Variants in FCGR3B observed in about 807,000 individuals in gnomAD.
The protein encoded by FCGR3B is low affinity immunoglobulin gamma Fc region receptor III-B.
In FCGR3B, 20 loss-of-function variants were observed where a neutral mutation model predicts 26.7. That is an observed-to-expected ratio of 0.75 (90% confidence interval 0.53 to 1.09). The LOEUF is 1.09. Ranked by LOEUF, FCGR3B falls within the 50% of genes least tolerant of loss-of-function variation. The pLI is 0.00. For missense variants in FCGR3B, 191 were observed against 279.7 expected (o/e 0.68, Z 2.26); for synonymous variants, 79 against 107.0 (o/e 0.74, Z 1.62).
chr1:161,626,379 G>A lies in FCGR3B; in HGVS notation c.343C>T (p.Arg115Trp), dbSNP rs776782096. ...GGGTCTTCCTCCTTGAACACCCACC[G>A]AGGGGCCTGGAGCAACAGCCAGCCT... ...HIGWLLLQAP[R>W]WVFKEEDPIH... is the part of the protein sequence containing the mutation. Residue 115 changes from arginine to tryptophan, a missense_variant, in exon 4 of 5, where the codon CGG (arginine) becomes TGG (tryptophan). Transcript: ENST00000650385. 2.1e-5 allele frequency: 33 copies of A among 1,608,976 alleles called. 1 individual carries two copies. The highest frequency in any genetic ancestry group is 2.0e-4 in the East Asian group (9 of 44,762).
chr1:161,630,831 G>A (rs1457292508), intron 1 of FCGR3B: 9 of 1,028,864 alleles, frequency 8.7e-6, no homozygotes, highest in Middle Eastern at 3.4e-4. Flanking sequence ...GGGACCCAGA[G>A]GGGTGAAGTG....
chr1:161,627,614 C>T (rs1341812105), intron 3 of FCGR3B, among the ~76,000 whole-genome samples: 1 of 150,310 alleles, frequency 6.7e-6, no homozygotes, highest in Non-Finnish European at 1.5e-5. Context: ...GCCTATCTAT[C>T]CACTTACTTT....
At chr1:161,624,670 A>G (rs766509789) in intron 4 of FCGR3B, 31 bp from the exon 5 acceptor site, 1 of 1,580,184 alleles carries the variant, frequency 6.3e-7, no homozygotes, top group Admixed American at 1.7e-5. Context: ...ATGAAAAAAA[A>G]TGACAGTCAC....
intron 1 of FCGR3B, 26 bp from the exon 2 acceptor site, chr1:161,630,414 T>C (rs1257728960): frequency 1.2e-6 from 2 of 1,601,532 alleles, no homozygotes; most frequent in Non-Finnish European, 8.5e-7. Flanking sequence ...GTAAATCAAA[T>C]ATTGAGTAGG....
chr1:161,630,021 C>T lies in FCGR3B; in HGVS notation c.76G>A (p.Ala26Thr), dbSNP rs532028851. 5.7e-6 allele frequency: 8 copies of T among 1,413,296 alleles called. 1 individual carries two copies. The African/African-American group carries it at 7.1e-5, about 13-fold the overall frequency. 87.5% of individuals were successfully genotyped at this position (1,413,296 alleles called of 1,614,324 possible). ...CATTGAGGCTCCAGGAACACCACAG[C>T]CTTTGGGAGATCTTCTGAGGAGCCA... is the stretch of plus-strand genomic sequence containing the variant. ...AGMRTEDLPK[A>T]VVFLEPQWYS... is the part of the protein sequence containing the mutation. Residue 26 changes from alanine (A) to threonine (T), a missense_variant, in exon 3 of 5, where the codon GCT (alanine) becomes ACT (threonine). Coordinates refer to ENST00000650385, the MANE Select transcript of FCGR3B (RefSeq NM_001244753.2).
chr1:161,626,404 T>G lies in FCGR3B; in HGVS notation c.320-2A>C. ...GAGGGGCCTGGAGCAACAGCCAGCC[T>G]GAAAGACACAGAGACACCCCAGGCC... On this transcript the variant is annotated splice_acceptor_variant, in intron 3 of 4. Coordinates refer to ENST00000650385, the MANE Select transcript of FCGR3B (RefSeq NM_001244753.2). LOFTEE classifies it high-confidence loss of function. The G allele has an allele frequency of 6.2e-7, 1 of 1,608,986 alleles. No individual in the cohort carries two copies. The highest frequency in any genetic ancestry group is 8.5e-7 in the Non-Finnish European group (1 of 1,178,080).
At chr1:161,628,715 C>G (rs1464566401) in intron 3 of FCGR3B, among the ~76,000 whole-genome samples, 1 of 144,164 alleles carries the variant, frequency 6.9e-6, no homozygotes, top group East Asian at 2.1e-4. Flanking sequence ...CTTCTTCCCC[C>G]AAAGCTTGTT....
chr1:161,628,328 G>A (rs1679578704), intron 3 of FCGR3B, among the ~76,000 whole-genome samples: 1 of 149,744 alleles, frequency 6.7e-6, no homozygotes, highest in Non-Finnish European at 1.5e-5. Flanking sequence ...GCTTCTCAGA[G>A]GAGGACATAA....
At chr1:161,626,977 G>A (rs1001907883) in intron 3 of FCGR3B, among the ~76,000 whole-genome samples, 3 of 149,834 alleles carry the variant, frequency 2.0e-5, no homozygotes, top group African/African-American at 7.5e-5. Flanking sequence ...AGTGCTCAGA[G>A]TGGCAATTCG....
At chr1:161,630,276 T>A in intron 2 of FCGR3B, 92 bp downstream of exon 2, 1 of 1,335,736 alleles carries the variant, frequency 7.5e-7, no homozygotes, top group Non-Finnish European at 1.1e-6. Flanking sequence ...ACATCAGCAT[T>A]TTCCCATTCA....
intron 4 of FCGR3B, among the ~76,000 whole-genome samples, chr1:161,625,923 A>T (rs1679431116): frequency 6.8e-6 from 1 of 147,526 alleles, no homozygotes; most frequent in Non-Finnish European, 1.5e-5. Context: ...TGCAGAGTGA[A>T]TGACACCTCC....
rs980675129 is a variant in FCGR3B at position 161,626,473 on chromosome 1, C to T, written c.320-71G>A. The T allele has an allele frequency of 8.6e-6, 12 of 1,399,398 alleles. 1 individual carries two copies. The African/African-American group carries it at 9.0e-5, about 11-fold the overall frequency. The allele number at this position is 1,399,398 out of a possible 1,614,324, so 86.7% of individuals were successfully genotyped here. On this transcript the variant is annotated intron_variant, in intron 3 of 4. Coordinates refer to ENST00000650385, the MANE Select transcript of FCGR3B (RefSeq NM_001244753.2). ...AGTGCAGAGCTTTGTGAAGGGGCCA[C>T]GTACCACCCAGATCCTGAGGCATAA...
rs529143896 is a variant in FCGR3B, at chr1:161,627,392, C to T, written c.320-990G>A. On this transcript the variant is annotated intron_variant, in intron 3 of 4. Coordinates refer to ENST00000650385, the MANE Select transcript of FCGR3B (RefSeq NM_001244753.2). ...ATATATTTTTGAAATTGACCCGAAA[C>T]GTAATAAGAGCAAAACTAAATTTAC... Among the ~76,000 whole-genome samples the T allele has an allele frequency of 1.8e-3, 267 of 150,056 alleles. 15 individuals are homozygous for T. The highest frequency in any genetic ancestry group is 6.2e-3 in the African/African-American group (249 of 40,406).
chr1:161,630,262 C>T, intron 2 of FCGR3B, 106 bp downstream of exon 2: 3 of 1,149,986 alleles, frequency 2.6e-6, no homozygotes. Flanking sequence ...TCCCTGCTAA[C>T]CCCACATCAG....
rs375556316 is a variant in FCGR3B at position 161,631,132 on chromosome 1, C to T, written c.-38G>A. 1.0e-4 allele frequency: 162 copies of T among 1,607,708 alleles called. 12 individuals carry two copies. In the South Asian group the frequency reaches 1.1e-3, roughly 11 times the overall value. Reference sequence around the variant, plus strand: ...GAGTGGACAAGTCACCAAAGATATCCGGAGCCCTAAAGGGACCAAGCCGAC... The same window carrying T: ...GAGTGGACAAGTCACCAAAGATATCTGGAGCCCTAAAGGGACCAAGCCGAC... On this transcript the variant is annotated 5_prime_UTR_variant, in exon 1 of 5. Transcript: ENST00000650385.
At chr1:161,627,032 A>AC (rs1231293798) in intron 3 of FCGR3B, among the ~76,000 whole-genome samples, 1 of 150,076 alleles carries the variant, frequency 6.7e-6, no homozygotes, top group African/African-American at 2.5e-5. Flanking sequence ...CAACTTTATT[A>AC]CTGAGCATGG....
At position 161,630,021 on chromosome 1, in the gene FCGR3B, CCTTTGGGAGAT is replaced by C; in HGVS notation, c.65_75del (p.Asp22GlyfsTer14). The C allele has an allele frequency of 1.4e-6, 2 of 1,413,298 alleles. No individual in the cohort carries two copies. The highest frequency in any genetic ancestry group is 1.9e-6 in the Non-Finnish European group (2 of 1,058,048). 87.5% of individuals were successfully genotyped at this position (1,413,298 alleles called of 1,614,324 possible). A position where few individuals can be genotyped will look rare whatever the true frequency, so the allele number is the denominator to read the frequency against. ...CATTGAGGCTCCAGGAACACCACAG[CCTTTGGGAGAT>C]CTTCTGAGGAGCCAAGATAATGTGG... is the stretch of plus-strand genomic sequence containing the variant. On this transcript the variant is annotated frameshift_variant, in exon 3 of 5. Coordinates refer to ENST00000650385, the MANE Select transcript of FCGR3B (RefSeq NM_001244753.2). LOFTEE classifies it high-confidence loss of function.
In FCGR3B at chr1:161,624,262, G is replaced by A; in HGVS notation, c.*253C>T. 2.2e-6 allele frequency: 1 copy of A among 456,492 alleles called. No individual in the cohort carries two copies. The highest frequency in any genetic ancestry group is 4.0e-6 in the Non-Finnish European group (1 of 251,006). 28.3% of individuals were successfully genotyped at this position (456,492 alleles called of 1,614,324 possible). On this transcript the variant is annotated 3_prime_UTR_variant, in exon 5 of 5. Transcript: ENST00000650385. Reference sequence around the variant, plus strand: ...TGCAGCTACTCACTGGGGCTTCCCTGCTTGAAGATCATGGGCTTTTCCCTT... The same window carrying A: ...TGCAGCTACTCACTGGGGCTTCCCTACTTGAAGATCATGGGCTTTTCCCTT...
At position 161,625,454 on chromosome 1, in the gene FCGR3B, G is replaced by A. The variant is rs1392439748; in HGVS notation, c.577+691C>T. ...ACTGGTTAAATATACAGGCTTTGAA[G>A]TCTTTGATGTGACCTTAGGGGCAAC... On this transcript the variant is annotated intron_variant, in intron 4 of 4. Transcript: ENST00000650385. Among the ~76,000 whole-genome samples, 3 of 15,850 alleles carry A rather than the reference G, an allele frequency of 1.9e-4. 1 individual carries two copies. The highest frequency in any genetic ancestry group is 2.4e-4 in the African/African-American group (2 of 8,474). The allele number at this position is 15,850 out of a possible 152,430, so 10.4% of individuals were successfully genotyped here. A position where few individuals can be genotyped will look rare whatever the true frequency, so the allele number is the denominator to read the frequency against.
Sources: gnomAD v4.1 joint callset for allele counts (sites outside exome capture counted in the v4.1 genomes callset) on GRCh38, gnomAD v4.1.1 for gene constraint, MANE v1.5 for transcripts, NCBI Gene and HGNC (gene_info 2026-07-23, HGNC 2026-07-21) for gene names.